The following CCDC88B variants were observed in gnomAD, a reference collection of about 807,000 sequenced individuals.
CCDC88B encodes coiled-coil domain-containing protein 88B.
In CCDC88B, 138 loss-of-function variants were observed where a neutral mutation model predicts 183.7. That is an observed-to-expected ratio of 0.75 (90% CI 0.65 to 0.87). The LOEUF (loss-of-function observed/expected upper bound fraction) is 0.87, where lower values mean the gene tolerates loss of function less well. Among genes scored for constraint, CCDC88B ranks in the 40% least tolerant of loss-of-function variants. The probability of loss-of-function intolerance (pLI) is 0.00; values close to 1 mark genes in which losing one functional copy is unlikely to be tolerated. For missense variants in CCDC88B, 1,822 were observed against 1,965.6 expected (o/e 0.93, Z 1.38); for synonymous variants, 835 against 867.5 (o/e 0.96, Z 0.66).
chr11:64,353,757 G>T lies in CCDC88B; in HGVS notation c.3876G>T (p.Val1292=), dbSNP rs1459932694. Residue 1292 remains valine, a synonymous_variant, in exon 23 of 27, where the codon GTG becomes GTT. Coordinates refer to ENST00000356786, the MANE Select transcript of CCDC88B (RefSeq NM_032251.6). ...NALRREKQKL[V]EKIMDQYRVL... is the part of the protein sequence containing the mutation. ...TGCGCCGCGAGAAGCAGAAGCTCGT[G>T]GAGAAGATCATGGACCAATACCGCG... The T allele has an allele frequency of 6.2e-7, 1 of 1,614,016 alleles. No individual in the cohort carries two copies. Among genetic ancestry groups the T allele is most frequent in the East Asian group, 2.2e-5 (1 of 44,896 alleles).
rs747076417 is a variant in CCDC88B, at chr11:64,357,239, G to A, written c.*145G>A. ...AGGCCTGGGCCCTGAGATCCTCCACGGTCAGCGCCGGGGCCCGGAGATGGA... is the reference window on the plus strand; with the variant it reads ...AGGCCTGGGCCCTGAGATCCTCCACAGTCAGCGCCGGGGCCCGGAGATGGA... On this transcript the variant is annotated 3_prime_UTR_variant, in exon 27 of 27. Coordinates refer to ENST00000356786, the MANE Select transcript of CCDC88B (RefSeq NM_032251.6). The A allele has an allele frequency of 6.1e-6, 6 of 978,724 alleles. No homozygotes were observed. The highest frequency in any genetic ancestry group is 4.8e-5 in the African/African-American group (3 of 62,270). The allele number at this position is 978,724 out of a possible 1,614,324, so 60.6% of individuals were successfully genotyped here.
chr11:64,344,106 C>G lies in CCDC88B; in HGVS notation c.1565C>G (p.Ala522Gly). 1 of 1,613,160 alleles carries G rather than the reference C, an allele frequency of 6.2e-7. No homozygotes were observed. The highest frequency in any genetic ancestry group is 8.5e-7 in the Non-Finnish European group (1 of 1,179,828). The change falls in exon 14 of 27, where the codon GCA (alanine) becomes GGA (glycine). Residue 522 changes from alanine (A) to glycine (G), a missense_variant. Physicochemically the swap from Ala to Gly is moderately conservative, Grantham distance 60. Coordinates refer to ENST00000356786, the MANE Select transcript of CCDC88B (RefSeq NM_032251.6). This position sits in a 1 kb window ranked among gnomAD's most constrained non-coding sequence, Gnocchi z 4.5. ...DHSPQGLVQK[A>G]RDGGPQALDL... Reference sequence around the variant, plus strand: ...AGCCCTCAGGGCTTGGTTCAGAAGGCAAGGGATGGAGGCCCCCAGGCCTTG... The same window carrying G: ...AGCCCTCAGGGCTTGGTTCAGAAGGGAAGGGATGGAGGCCCCCAGGCCTTG...
chr11:64,349,234 C>A lies in CCDC88B; in HGVS notation c.2617-97C>A, dbSNP rs956137562. 5 of 1,387,602 alleles carry A rather than the reference C, an allele frequency of 3.6e-6. No individual in the cohort carries two copies. The African/African-American group carries it at 7.2e-5, about 20-fold the overall frequency. 86.0% of individuals were successfully genotyped at this position (1,387,602 alleles called of 1,614,324 possible). On this transcript the variant is annotated intron_variant, in intron 14 of 26. Coordinates refer to ENST00000356786, the MANE Select transcript of CCDC88B (RefSeq NM_032251.6). ...GCTTAATGATACGTGCCCAGGATGG[C>A]AGGTCAAGGACAGAAAGGCAGCTCT...
chr11:64,342,636 C>T lies in CCDC88B; in HGVS notation c.1018C>T (p.Arg340Cys). 2 of 1,524,552 alleles carry T rather than the reference C, an allele frequency of 1.3e-6. No individual in the cohort carries two copies. Among genetic ancestry groups the T allele is most frequent in the South Asian group, 2.4e-5 (2 of 83,050 alleles). 94.4% of individuals were successfully genotyped at this position (1,524,552 alleles called of 1,614,324 possible). A position where few individuals can be genotyped will look rare whatever the true frequency, so the allele number is the denominator to read the frequency against. The change falls in exon 10 of 27, where the codon CGC becomes TGC. Residue 340 changes from arginine (R) to cysteine (C), a missense_variant. Physicochemically the swap from Arg to Cys is radical, Grantham distance 180. Coordinates refer to ENST00000356786, the MANE Select transcript of CCDC88B (RefSeq NM_032251.6). ...PRLQEELRRC[R>C]ERLQAAEAYK... is the part of the protein sequence containing the mutation. ...CCTGCAGGAGGAGCTGAGGCGCTGCCGCGAGCGGCTGCAGGCGGCTGAGGC... is the reference window on the plus strand; with the variant it reads ...CCTGCAGGAGGAGCTGAGGCGCTGCTGCGAGCGGCTGCAGGCGGCTGAGGC...
At chr11:64,348,855 C>T (rs2036216481) in intron 14 of CCDC88B, 1 of 595,192 alleles carries the variant, frequency 1.7e-6, no homozygotes, top group Non-Finnish European at 3.1e-6. Context: ...GCGCCCCCTG[C>T]CCCCCCAGCC....
rs775781951 is a variant in CCDC88B, at chr11:64,355,551, G to T, written c.4307-9G>T. ...GCCCTGGGCCCAGTGGTTGCCTTGT[G>T]CCTCCCAGGACCTGGTGTGGGATGG... On this transcript the variant is annotated splice_polypyrimidine_tract_variant and intron_variant, in intron 25 of 26. Transcript: ENST00000356786. The T allele has an allele frequency of 6.2e-7, 1 of 1,613,034 alleles. No homozygotes were observed. The highest frequency in any genetic ancestry group is 8.5e-7 in the Non-Finnish European group (1 of 1,179,758).
At chr11:64,351,344 C>A in intron 17 of CCDC88B, 89 bp downstream of exon 17, 1 of 1,497,996 alleles carries the variant, frequency 6.7e-7, no homozygotes, top group Non-Finnish European at 9.0e-7. Flanking sequence ...GGGGGTATCC[C>A]GTGCAGTGTG....
chr11:64,346,535 G>A (rs1443388219), intron 14 of CCDC88B, among the ~76,000 whole-genome samples: 1 of 151,792 alleles, frequency 6.6e-6, no homozygotes, highest in Non-Finnish European at 1.5e-5. Flanking sequence ...CCGCCTCCCA[G>A]GTTCACGCCA....
chr11:64,356,864 G>A (rs907652406), intron 26 of CCDC88B, 175 bp from the exon 27 acceptor site: 24 of 622,058 alleles, frequency 3.9e-5, no homozygotes, highest in Middle Eastern at 4.3e-4. Context: ...GGACATACCT[G>A]AGAACAGCAT....
In CCDC88B at chr11:64,353,792, C is replaced by T. The variant is rs141842076; in HGVS notation, c.3911C>T (p.Pro1304Leu). ...KIMDQYRVLE[P>L]VPLPRTKKGS... ...ATGGACCAATACCGCGTGCTGGAGCCTGTGCCCCTGCCCCGGACCAAGTGA... is the reference window on the plus strand; with the variant it reads ...ATGGACCAATACCGCGTGCTGGAGCTTGTGCCCCTGCCCCGGACCAAGTGA... Residue 1304 changes from proline (P) to leucine (L), a missense_variant, in exon 23 of 27, where the codon CCT (proline) becomes CTT (leucine). Transcript: ENST00000356786. 6 of 1,614,094 alleles carry T rather than the reference C, an allele frequency of 3.7e-6. No homozygotes were observed. The highest frequency in any genetic ancestry group is 2.2e-5 in the East Asian group (1 of 44,886).
Position 64,342,670 on chromosome 11 carries a change from G to A in CCDC88B, c.1052G>A (p.Ser351Asn). 3.3e-6 allele frequency: 5 copies of A among 1,500,794 alleles called. No individual in the cohort carries two copies. Among genetic ancestry groups the A allele is most frequent in the Non-Finnish European group, 4.4e-6 (5 of 1,131,376 alleles). The allele number at this position is 1,500,794 out of a possible 1,614,324, so 93.0% of individuals were successfully genotyped here. A position where few individuals can be genotyped will look rare whatever the true frequency, so the allele number is the denominator to read the frequency against. The change falls in exon 10 of 27, where the codon AGT becomes AAT. Residue 351 changes from serine to asparagine, a missense_variant. Coordinates refer to ENST00000356786, the MANE Select transcript of CCDC88B (RefSeq NM_032251.6). ...CTGCAGGCGGCTGAGGCCTACAAGAGTCAGCTGGAGGTGAGGCGGAGACGG... is the reference window on the plus strand; with the variant it reads ...CTGCAGGCGGCTGAGGCCTACAAGAATCAGCTGGAGGTGAGGCGGAGACGG... ...ERLQAAEAYK[S>N]QLEEERVLSG...
Position 64,349,198 on chromosome 11 carries a change from A to G in CCDC88B, c.2617-133A>G, listed in dbSNP as rs558836194. ...GCTCCCATTTTATAGATGGGGAAGT[A>G]GAGCCCAAAGGCTTAATGATACGTG... On this transcript the variant is annotated intron_variant, in intron 14 of 26. Coordinates refer to ENST00000356786, the MANE Select transcript of CCDC88B (RefSeq NM_032251.6). 1,071 of 1,060,462 alleles carry G rather than the reference A, an allele frequency of 1.0e-3. 10 individuals carry two copies. In the Middle Eastern group the frequency reaches 0.027, roughly 27 times the overall value. The allele number at this position is 1,060,462 out of a possible 1,614,324, so 65.7% of individuals were successfully genotyped here. A position where few individuals can be genotyped will look rare whatever the true frequency, so the allele number is the denominator to read the frequency against.
Position 64,355,224 on chromosome 11 carries a change from C to A in CCDC88B, c.4130C>A (p.Ala1377Asp). ...CCTTCCCCGGCACCCATGCGCCGGG[C>A]CCAGAGCTCCCTCTGCCTGCGGGAT... ...GSPSPAPMRR[A>D]QSSLCLRDET... Residue 1377 changes from alanine to aspartate, a missense_variant, in exon 25 of 27, where the codon GCC becomes GAC. Coordinates refer to ENST00000356786, the MANE Select transcript of CCDC88B (RefSeq NM_032251.6). The A allele has an allele frequency of 6.6e-7, 1 of 1,511,390 alleles. No homozygotes were observed. Among genetic ancestry groups the A allele is most frequent in the Non-Finnish European group, 8.8e-7 (1 of 1,132,808 alleles). The allele number at this position is 1,511,390 out of a possible 1,614,324, so 93.6% of individuals were successfully genotyped here. A position where few individuals can be genotyped will look rare whatever the true frequency, so the allele number is the denominator to read the frequency against.
At chr11:64,347,482 A>G (rs1251767727) in intron 14 of CCDC88B, among the ~76,000 whole-genome samples, 2 of 152,178 alleles carry the variant, frequency 1.3e-5, no homozygotes, top group African/African-American at 2.4e-5. Context: ...GAGGAAGAGT[A>G]ATTTGCTCAG....
chr11:64,340,420 A>T, intron 1 of CCDC88B, 94 bp downstream of exon 1: 5 of 1,208,638 alleles, frequency 4.1e-6, no homozygotes, highest in South Asian at 2.0e-5. Context: ...AGGCAGAACC[A>T]GGCCGGAGGG....
rs1175707251 is a variant in CCDC88B, at chr11:64,351,521, C to G, written c.3004C>G (p.Gln1002Glu). 1 of 1,580,974 alleles carries G rather than the reference C, an allele frequency of 6.3e-7. No individual in the cohort carries two copies. The change falls in exon 18 of 27, where the codon CAG (glutamine) becomes GAG (glutamate). Residue 1002 changes from glutamine to glutamate, a missense_variant. Gln to Glu is a conservative substitution (Grantham distance 29). Coordinates refer to ENST00000356786, the MANE Select transcript of CCDC88B (RefSeq NM_032251.6). The part of the protein sequence containing the change: ...AEKAALQGQL[Q>E]HLEGQLGSLQ... ...GAAGGCAGCTTTGCAGGGGCAGCTG[C>G]AGCACCTGGAGGGGCAGCTGGGGAG... is the stretch of plus-strand genomic sequence containing the variant.
At position 64,341,499 on chromosome 11, in the gene CCDC88B, C is replaced by T. The variant is rs201265638; in HGVS notation, c.526C>T (p.Gln176Ter). 8 of 1,613,814 alleles carry T rather than the reference C, an allele frequency of 5.0e-6. No homozygotes were observed. Among genetic ancestry groups the T allele is most frequent in the Non-Finnish European group, 6.8e-6 (8 of 1,180,018 alleles). The change falls in exon 6 of 27, where the codon CAG (glutamine) becomes TAG (stop). Residue 176 changes from glutamine to a stop codon, truncating the protein, a stop_gained. Coordinates refer to ENST00000356786, the MANE Select transcript of CCDC88B (RefSeq NM_032251.6). LOFTEE classifies it high-confidence loss of function. ...CCAGAGCGAGCTGGCCGCTGCCATCCAGGAGGTACTGAGACGGTTCGGCAG... is the reference window on the plus strand; with the variant it reads ...CCAGAGCGAGCTGGCCGCTGCCATCTAGGAGGTACTGAGACGGTTCGGCAG... ...EVQSELAAAI[Q>*]EVTQPGAGVV...
In CCDC88B at chr11:64,340,318, G is replaced by A; in HGVS notation, c.52G>A (p.Ala18Thr). The change falls in exon 1 of 27, where the codon GCT (alanine) becomes ACT (threonine). Residue 18 changes from alanine (A) to threonine (T), a missense_variant. Coordinates refer to ENST00000356786, the MANE Select transcript of CCDC88B (RefSeq NM_032251.6). ...RLRDFLSGSLATWALGLAGLV... is the reference protein window; with the variant it reads ...RLRDFLSGSLTTWALGLAGLV... Reference sequence around the variant, plus strand: ...CAGAGACTTCCTGAGTGGGAGTCTGGCTACCTGGGTGAGGGGGCAGGTGGC... The same window carrying A: ...CAGAGACTTCCTGAGTGGGAGTCTGACTACCTGGGTGAGGGGGCAGGTGGC... 7.8e-7 allele frequency: 1 copy of A among 1,288,820 alleles called. No homozygotes were observed. Among genetic ancestry groups the A allele is most frequent in the Non-Finnish European group, 9.9e-7 (1 of 1,009,424 alleles). 79.8% of individuals were successfully genotyped at this position (1,288,820 alleles called of 1,614,324 possible). A position where few individuals can be genotyped will look rare whatever the true frequency, so the allele number is the denominator to read the frequency against.
At position 64,342,527 on chromosome 11, in the gene CCDC88B, G is replaced by C. The variant is rs2035914723; in HGVS notation, c.909G>C (p.Gln303His). 1 of 1,528,634 alleles carries C rather than the reference G, an allele frequency of 6.5e-7. No individual in the cohort carries two copies. The highest frequency in any genetic ancestry group is 8.8e-7 in the Non-Finnish European group (1 of 1,142,816). 94.7% of individuals were successfully genotyped at this position (1,528,634 alleles called of 1,614,324 possible). A position where few individuals can be genotyped will look rare whatever the true frequency, so the allele number is the denominator to read the frequency against. The change falls in exon 10 of 27, where the codon CAG becomes CAC. Residue 303 changes from glutamine to histidine, a missense_variant. Coordinates refer to ENST00000356786, the MANE Select transcript of CCDC88B (RefSeq NM_032251.6). ...CTCCACACCGTCTGGCCCAGGCCCA[G>C]GCGCTGTCGGGACAGGCCAAGCGGG... ...AEIRRLRQEA[Q>H]ALSGQAKRAE...
Sources: gnomAD v4.1 joint callset for allele counts (sites outside exome capture counted in the v4.1 genomes callset) on GRCh38, gnomAD v4.1.1 for gene constraint, Gnocchi (gnomAD v3.1) non-coding constraint, MANE v1.5 for transcripts, NCBI Gene and HGNC (gene_info 2026-07-23, HGNC 2026-07-21) for gene names.